Variants in DCUN1D3 observed in about 807,000 individuals in gnomAD.
DCUN1D3 encodes DCN1-like protein 3.
A neutral mutation model predicts 24.8 loss-of-function variants in DCUN1D3; 6 were observed. The ratio of observed to expected loss-of-function variants is 0.24; its 90% confidence interval spans 0.13 to 0.48. The LOEUF is 0.48. DCUN1D3 is among the 20% of genes least tolerant of loss of function. DCUN1D3 has a pLI of 0.99. For synonymous variants in DCUN1D3, 120 were observed against 144.9 expected (o/e 0.83, Z 1.24); for missense variants, 258 against 379.4 (o/e 0.68, Z 2.66).
intron 1 of DCUN1D3, among the ~76,000 whole-genome samples, chr16:20,865,192 G>A (rs2081755611): frequency 6.6e-6 from 1 of 150,564 alleles, no homozygotes; most frequent in Admixed American, 6.6e-5. Context: ...AAAATGCTCA[G>A]GATATTCAGA....
In DCUN1D3 at chr16:20,862,453, T is replaced by C; in HGVS notation, c.86A>G (p.His29Arg). 1 of 1,613,240 alleles carries C rather than the reference T, an allele frequency of 6.2e-7. No homozygotes were observed. The highest frequency in any genetic ancestry group is 8.5e-7 in the Non-Finnish European group (1 of 1,179,998). The change falls in exon 2 of 3, where the codon CAT (histidine) becomes CGT (arginine). Residue 29 changes from histidine (H) to arginine (R), a missense_variant. Physicochemically the swap from His to Arg is conservative, Grantham distance 29. Transcript: ENST00000324344. Reference sequence around the variant, plus strand: ...ACGGTGGCCTGCACCCCTCCTGCTATGTGACTTGTTGCTGGGCTCACGGTC... The same window carrying C: ...ACGGTGGCCTGCACCCCTCCTGCTACGTGACTTGTTGCTGGGCTCACGGTC... ...NGDREPSNKS[H>R]SRRGAGHREE...
At chr16:20,888,956 A>G (rs1431448090) in intron 1 of DCUN1D3, among the ~76,000 whole-genome samples, 1 of 151,952 alleles carries the variant, frequency 6.6e-6, no homozygotes, top group African/African-American at 2.4e-5. Flanking sequence ...GGCCAGGCAC[A>G]GTGGCTCACA....
In DCUN1D3 at chr16:20,896,574, C is replaced by T. The variant is rs1007087393; in HGVS notation, c.-106+3630G>A. Among the ~76,000 whole-genome samples, 3 of 152,032 alleles carry T rather than the reference C, an allele frequency of 2.0e-5. No individual in the cohort carries two copies. The South Asian group carries it at 6.2e-4, about 31-fold the overall frequency. ...CCCCCTTTCAAAAATTAGAAAAGAGCCACCAGTCTCCAAACTGGCTGATGA... is the reference window on the plus strand; with the variant it reads ...CCCCCTTTCAAAAATTAGAAAAGAGTCACCAGTCTCCAAACTGGCTGATGA... On this transcript the variant is annotated intron_variant, in intron 1 of 2. Coordinates refer to ENST00000324344, the MANE Select transcript of DCUN1D3 (RefSeq NM_173475.4).
chr16:20,865,296 G>A (rs1271876795), intron 1 of DCUN1D3, among the ~76,000 whole-genome samples: 1 of 152,122 alleles, frequency 6.6e-6, no homozygotes, highest in Non-Finnish European at 1.5e-5. Flanking sequence ...TAGGATAATT[G>A]CTAGATGAAA....
chr16:20,863,770 A>G (rs2081745583), intron 1 of DCUN1D3, among the ~76,000 whole-genome samples: 1 of 152,182 alleles, frequency 6.6e-6, no homozygotes. Flanking sequence ...GTACAAAAAC[A>G]GGCACACAGA....
intron 1 of DCUN1D3, among the ~76,000 whole-genome samples, chr16:20,870,088 G>A (rs1445773038): frequency 6.6e-6 from 1 of 152,204 alleles, no homozygotes; most frequent in East Asian, 1.9e-4. Flanking sequence ...GCACTCTCGA[G>A]CAAGCCACTT....
intron 1 of DCUN1D3, among the ~76,000 whole-genome samples, chr16:20,880,339 C>G (rs979238195): frequency 1.8e-4 from 28 of 152,118 alleles, no homozygotes; most frequent in African/African-American, 6.8e-4. Flanking sequence ...AAGGCTCACA[C>G]CTGCAGACCC....
intron 1 of DCUN1D3, among the ~76,000 whole-genome samples, chr16:20,864,841 G>C (rs1241881197): frequency 6.6e-6 from 1 of 152,198 alleles, no homozygotes; most frequent in Admixed American, 6.5e-5. Flanking sequence ...TCTTTTGTGG[G>C]AACACACATG....
intron 1 of DCUN1D3, among the ~76,000 whole-genome samples, chr16:20,870,331 G>A (rs1408537435): frequency 6.6e-6 from 1 of 152,140 alleles, no homozygotes; most frequent in Non-Finnish European, 1.5e-5. Context: ...AAAAGCAGAG[G>A]GAAAGCAGGG....
rs773383808 is a variant in DCUN1D3, at chr16:20,856,634, T to C, written c.*3252A>G. The C allele has an allele frequency of 8.5e-5, 13 of 152,150 alleles. No individual in the cohort carries two copies. The highest frequency in any genetic ancestry group is 1.8e-4 in the Non-Finnish European group (12 of 68,036). The allele number at this position is 152,150 out of a possible 1,614,324, so 9.4% of individuals were successfully genotyped here. On this transcript the variant is annotated 3_prime_UTR_variant, in exon 3 of 3. Transcript: ENST00000324344. ...GTTTCCTGGACCCAACTCACACAGG[T>C]GGGCAGCACTTCAGCTGCTGAGACA...
intron 1 of DCUN1D3, among the ~76,000 whole-genome samples, chr16:20,886,713 C>G (rs142306046): frequency 7.2e-5 from 11 of 152,314 alleles, no homozygotes; most frequent in African/African-American, 2.4e-4. Context: ...TGTTCTGTTT[C>G]CCTGTCCTGC....
chr16:20,892,863 A>G (rs1019006153), intron 1 of DCUN1D3, among the ~76,000 whole-genome samples: 21 of 152,246 alleles, frequency 1.4e-4, no homozygotes, highest in African/African-American at 4.3e-4. Flanking sequence ...CTTTCTATCA[A>G]GTATCCACAA....
In DCUN1D3 at chr16:20,860,463, A is replaced by C; in HGVS notation, c.432-94T>G. 1 of 1,329,544 alleles carries C rather than the reference A, an allele frequency of 7.5e-7. No individual in the cohort carries two copies. The allele number at this position is 1,329,544 out of a possible 1,614,324, so 82.4% of individuals were successfully genotyped here. On this transcript the variant is annotated intron_variant, in intron 2 of 2. Coordinates refer to ENST00000324344, the MANE Select transcript of DCUN1D3 (RefSeq NM_173475.4). This position sits in a 1 kb window ranked among gnomAD's most constrained non-coding sequence, Gnocchi z 4.3. ...ATTAAGAGCAAGGCTTTCAGGCCAG[A>C]TGGTCTGAATTTGAATTCTAACTCC... is the stretch of plus-strand genomic sequence containing the variant.
intron 1 of DCUN1D3, chr16:20,899,954 C>T (rs1169612245): frequency 6.6e-6 from 1 of 152,638 alleles, no homozygotes; most frequent in East Asian, 1.9e-4. Flanking sequence ...AACCCCATAT[C>T]CCCAGGCCCT....
Position 20,856,020 on chromosome 16 carries a change from C to A in DCUN1D3, c.*3866G>T, listed in dbSNP as rs1376347198. The A allele has an allele frequency of 1.3e-5, 2 of 152,226 alleles. No individual in the cohort carries two copies. Among genetic ancestry groups the A allele is most frequent in the Non-Finnish European group, 2.9e-5 (2 of 68,048 alleles). 9.4% of individuals were successfully genotyped at this position (152,226 alleles called of 1,614,324 possible). A position where few individuals can be genotyped will look rare whatever the true frequency, so the allele number is the denominator to read the frequency against. On this transcript the variant is annotated 3_prime_UTR_variant, in exon 3 of 3. Coordinates refer to ENST00000324344, the MANE Select transcript of DCUN1D3 (RefSeq NM_173475.4). ...GAGACAAGAAAAACAGCAGAGCAGT[C>A]AAGTAAAATGCAACAAAAACCTAGC...
intron 1 of DCUN1D3, among the ~76,000 whole-genome samples, chr16:20,893,716 T>C (rs1183861619): frequency 6.6e-6 from 1 of 152,184 alleles, no homozygotes; most frequent in African/African-American, 2.4e-5. Flanking sequence ...AAAGCCCAGC[T>C]TGAAATAAAC....
intron 1 of DCUN1D3, among the ~76,000 whole-genome samples, chr16:20,898,636 G>A (rs2081932246): frequency 6.6e-6 from 1 of 152,094 alleles, no homozygotes; most frequent in South Asian, 2.1e-4. Context: ...GTTTTTTAGG[G>A]CCCGAAAGCC....
chr16:20,862,269 T>A lies in DCUN1D3; in HGVS notation c.270A>T (p.Arg90Ser), dbSNP rs138789031. 5.3e-5 allele frequency: 85 copies of A among 1,614,184 alleles called. No homozygotes were observed. The African/African-American group carries it at 1.0e-3, about 19-fold the overall frequency. The change falls in exon 2 of 3, where the codon AGA (arginine) becomes AGT (serine). Residue 90 changes from arginine (R) to serine (S), a missense_variant. Arg to Ser is a moderately radical substitution (Grantham distance 110). Coordinates refer to ENST00000324344, the MANE Select transcript of DCUN1D3 (RefSeq NM_173475.4). ...TGTAGCGCCTGAACAGTTCTTCCAATCTTTGCAAGGAAGACTCCTCGGCAT... is the reference window on the plus strand; with the variant it reads ...TGTAGCGCCTGAACAGTTCTTCCAAACTTTGCAAGGAAGACTCCTCGGCAT... ...KSNAEESSLQ[R>S]LEELFRRYKD...
chr16:20,884,088 A>T lies in DCUN1D3; in HGVS notation c.-106+16116T>A, dbSNP rs375818942. On this transcript the variant is annotated intron_variant, in intron 1 of 2. Transcript: ENST00000324344. ...GTAAGAATGGCTTGTAAAGGTACTG[A>T]CCTCTGCCACTATGTTGTACATCTT... Among the ~76,000 whole-genome samples the T allele has an allele frequency of 9.0e-4, 137 of 152,160 alleles. 4 individuals carry two copies. In the South Asian group the frequency reaches 0.028, roughly 31 times the overall value.
Sources: allele counts gnomAD v4.1 joint callset (sites outside exome capture counted in the v4.1 genomes callset), GRCh38; gene constraint gnomAD v4.1.1; non-coding constraint Gnocchi (gnomAD v3.1); transcripts MANE v1.5; gene names NCBI Gene and HGNC (gene_info 2026-07-23, HGNC 2026-07-21).